Variants in ACOXL observed in about 807,000 individuals in gnomAD.
ACOXL encodes acyl-coenzyme A oxidase-like protein.
In ACOXL, 70 loss-of-function variants were observed where a neutral mutation model predicts 71.9. That is an observed-to-expected ratio of 0.97 (90% confidence interval 0.80 to 1.19). The LOEUF is 1.19. Among genes scored for constraint, ACOXL ranks in the 50% most tolerant of loss-of-function variants. ACOXL has a pLI of 0.00. For missense variants in ACOXL, 703 were observed against 736.3 expected, an observed-to-expected ratio of 0.95 and a Z score of 0.52; for synonymous variants, 253 against 281.6, an observed-to-expected ratio of 0.90 and a Z score of 1.02.
chr2:111,092,186 G>A (rs574232841), intron 16 of ACOXL, among the ~76,000 whole-genome samples: 1 of 152,198 alleles, frequency 6.6e-6, no homozygotes, highest in Non-Finnish European at 1.5e-5. Flanking sequence ...GTGGATATGG[G>A]TGATGGAGAC....
At chr2:110,803,325 A>G (rs1396188234) in intron 8 of ACOXL, among the ~76,000 whole-genome samples, 1 of 152,260 alleles carries the variant, frequency 6.6e-6, no homozygotes. Flanking sequence ...GGATAGATAT[A>G]TGTACAATGG....
intron 10 of ACOXL, among the ~76,000 whole-genome samples, chr2:110,883,107 GTTTT>G (rs34915436): frequency 7.3e-5 from 8 of 109,266 alleles, no homozygotes; most frequent in African/African-American, 2.4e-4. Flanking sequence ...TTTGTCACTG[GTTTT>G]TTTTTTTTTT....
intron 16 of ACOXL, among the ~76,000 whole-genome samples, chr2:111,065,089 A>G (rs2066998906): frequency 6.6e-6 from 1 of 152,258 alleles, no homozygotes; most frequent in African/African-American, 2.4e-5. Context: ...GAATCAGTCT[A>G]TCCAATTTTA....
chr2:110,924,905 A>T (rs916591782), intron 11 of ACOXL, among the ~76,000 whole-genome samples: 1 of 152,156 alleles, frequency 6.6e-6, no homozygotes, highest in Non-Finnish European at 1.5e-5. Flanking sequence ...TTTAATAAAT[A>T]ATAAGACTTG....
At chr2:110,984,906 T>G (rs539217449) in intron 12 of ACOXL, among the ~76,000 whole-genome samples, 7 of 152,208 alleles carry the variant, frequency 4.6e-5, no homozygotes, top group Non-Finnish European at 1.0e-4. Flanking sequence ...TGGCACTTGC[T>G]TTCCAGGCTG....
chr2:110,876,129 A>G (rs1439577570), intron 10 of ACOXL, among the ~76,000 whole-genome samples: 1 of 152,196 alleles, frequency 6.6e-6, no homozygotes, highest in East Asian at 1.9e-4. Context: ...GCTTGGACGC[A>G]TCCTCTGTGA....
intron 17 of ACOXL, among the ~76,000 whole-genome samples, chr2:111,095,993 A>G (rs2150032420): frequency 6.6e-6 from 1 of 152,154 alleles, no homozygotes; most frequent in South Asian, 2.1e-4. Flanking sequence ...ATTTGCAGCC[A>G]TTCTTCACAA....
chr2:110,875,556 G>A (rs777747191), intron 10 of ACOXL, among the ~76,000 whole-genome samples: 1 of 152,162 alleles, frequency 6.6e-6, no homozygotes, highest in Non-Finnish European at 1.5e-5. Flanking sequence ...TGGTCCTGGT[G>A]TTTGGGTGCA....
chr2:110,860,721 A>T (rs1309269881), intron 10 of ACOXL, among the ~76,000 whole-genome samples: 1 of 152,164 alleles, frequency 6.6e-6, no homozygotes, highest in African/African-American at 2.4e-5. Context: ...CAGTGCAGAG[A>T]CCAGGAGCTT....
At chr2:110,780,884 T>C (rs748357843) in intron 2 of ACOXL, among the ~76,000 whole-genome samples, 4 of 151,194 alleles carry the variant, frequency 2.6e-5, no homozygotes. Context: ...AAAAAAAAAT[T>C]AGCTGGCTGT....
At position 110,805,303 on chromosome 2, in the gene ACOXL, A is replaced by T; in HGVS notation, c.661A>T (p.Ile221Phe). The change falls in exon 9 of 18, where the codon ATT becomes TTT. Residue 221 changes from isoleucine to phenylalanine, a missense_variant. Physicochemically the swap from Ile to Phe is conservative, Grantham distance 21 (BLOSUM62 0). Transcript: ENST00000439055. ...TCCAGATGGACAGTACCATTCGCCT[A>T]TTAGGAACAAGAGTGCAAGATTCAA... ...VAPDGQYHSP[I>F]RNKSARFNAM... is the part of the protein sequence containing the mutation. 6.2e-7 allele frequency: 1 copy of T among 1,614,214 alleles called. No homozygotes were observed.
At chr2:110,829,577 CTT>C (rs1689579212) in intron 9 of ACOXL, among the ~76,000 whole-genome samples, 1 of 152,192 alleles carries the variant, frequency 6.6e-6, no homozygotes, top group Non-Finnish European at 1.5e-5. Flanking sequence ...GCTCCAGTGT[CTT>C]TGTACGGTGG....
intron 11 of ACOXL, among the ~76,000 whole-genome samples, chr2:110,921,144 A>T (rs1004741301): frequency 6.6e-6 from 1 of 151,748 alleles, no homozygotes; most frequent in East Asian, 1.9e-4. Context: ...GATCAGTGCG[A>T]TTTCTCCCCT....
intron 17 of ACOXL, chr2:111,093,776 A>T (rs2068662646): frequency 2.5e-6 from 1 of 395,988 alleles, no homozygotes; most frequent in South Asian, 4.2e-5. Flanking sequence ...AGGCACGAGA[A>T]TCGCTTGAGC....
intron 5 of ACOXL, chr2:110,795,659 AG>A (rs1278561227): frequency 1.3e-5 from 2 of 152,200 alleles, no homozygotes; most frequent in East Asian, 1.9e-4. Context: ...TGAGTGAGTT[AG>A]GTTCGGGTGA....
At chr2:110,982,580 A>G (rs927919145) in intron 12 of ACOXL, among the ~76,000 whole-genome samples, 5 of 152,208 alleles carry the variant, frequency 3.3e-5, no homozygotes, top group African/African-American at 1.2e-4. Context: ...GAAAATCAAG[A>G]CCATCCCCTT....
chr2:110,743,703 T>C (rs1009441046), intron 1 of ACOXL, among the ~76,000 whole-genome samples: 6 of 152,174 alleles, frequency 3.9e-5, no homozygotes, highest in Non-Finnish European at 7.3e-5. Flanking sequence ...TCATCCATAA[T>C]TTCTGTGTCT....
intron 16 of ACOXL, among the ~76,000 whole-genome samples, chr2:111,082,993 A>C (rs1038943533): frequency 1.3e-5 from 2 of 151,848 alleles, no homozygotes; most frequent in Non-Finnish European, 2.9e-5. Flanking sequence ...ATGAGACCGC[A>C]TGGACACAGG....
At chr2:110,986,144 G>A (rs773186988) in intron 12 of ACOXL, among the ~76,000 whole-genome samples, 6 of 152,034 alleles carry the variant, frequency 3.9e-5, no homozygotes, top group African/African-American at 1.2e-4. Context: ...AAAAGTATAC[G>A]GTTAGTAAAT....
Sources: allele counts gnomAD v4.1 joint callset (sites outside exome capture counted in the v4.1 genomes callset), GRCh38; gene constraint gnomAD v4.1.1; transcripts MANE v1.5; gene names NCBI Gene and HGNC (gene_info 2026-07-23, HGNC 2026-07-21).